GTF2E2: variants seen among roughly 807,000 people sequenced by gnomAD.
The protein encoded by GTF2E2 is transcription initiation factor IIE subunit beta.
Under a neutral mutation model 40.5 loss-of-function variants are expected in GTF2E2, and 21 were observed. The ratio of observed to expected loss-of-function variants is 0.52; its 90% CI spans 0.37 to 0.75. GTF2E2 has a LOEUF of 0.75. GTF2E2 is among the 30% of genes least tolerant of loss of function. The pLI is 0.00. For synonymous variants in GTF2E2, 117 were observed against 121.6 expected, an observed-to-expected ratio of 0.96 and a Z score of 0.25; for missense variants, 298 against 338.4, an observed-to-expected ratio of 0.88 and a Z score of 0.94.
chr8:30,617,791 G>C (rs1452074221), intron 3 of GTF2E2, among the ~76,000 whole-genome samples: 1 of 151,692 alleles, frequency 6.6e-6, no homozygotes, highest in Non-Finnish European at 1.5e-5. Context: ...TATCTGTCAG[G>C]AAGGCATCTT....
chr8:30,586,087 C>A (rs1469889932), intron 6 of GTF2E2, among the ~76,000 whole-genome samples: 1 of 152,104 alleles, frequency 6.6e-6, no homozygotes, highest in Non-Finnish European at 1.5e-5. Context: ...AAAACAACAA[C>A]AACAACAAAA....
intron 6 of GTF2E2, among the ~76,000 whole-genome samples, chr8:30,584,049 G>A (rs768090122): frequency 3.3e-5 from 5 of 151,702 alleles, no homozygotes; most frequent in Non-Finnish European, 5.9e-5. Flanking sequence ...CTTGTGATCT[G>A]CCCGCCTCAG....
chr8:30,654,881 T>C (rs746202052), intron 1 of GTF2E2, among the ~76,000 whole-genome samples: 5 of 152,190 alleles, frequency 3.3e-5, no homozygotes, highest in African/African-American at 4.8e-5. Flanking sequence ...TGGCATATTT[T>C]TACAACTGGT....
intron 3 of GTF2E2, among the ~76,000 whole-genome samples, chr8:30,621,894 CT>C (rs1183868284): frequency 3.9e-5 from 6 of 151,942 alleles, no homozygotes; most frequent in African/African-American, 1.5e-4. Flanking sequence ...GTATCCTTGT[CT>C]TTTTCCTGAC....
At chr8:30,623,446 T>C (rs1801173224) in intron 3 of GTF2E2, among the ~76,000 whole-genome samples, 1 of 152,124 alleles carries the variant, frequency 6.6e-6, no homozygotes. Context: ...AGTCTATCAT[T>C]GTTGGACATT....
chr8:30,633,117 G>A (rs35755980), intron 3 of GTF2E2, among the ~76,000 whole-genome samples: 23,618 of 151,844 alleles, frequency 0.16, 1,983 homozygotes, highest in Middle Eastern at 0.23. Context: ...AACTCAAACC[G>A]TAAGTTATTT....
rs1160039008 is a variant in GTF2E2 at position 30,585,777 on chromosome 8, A to T, written c.644-5381T>A. On this transcript the variant is annotated intron_variant, in intron 6 of 7. Transcript: ENST00000355904. ...TAAGGTACATCTTTGCCCTTTAAAA[A>T]AAAAAAAAAAAAAAAAAAAAAAAAA... Among the ~76,000 whole-genome samples, 424 of 62,142 alleles carry T rather than the reference A, an allele frequency of 6.8e-3. 3 individuals are homozygous for T. Among genetic ancestry groups the T allele is most frequent in the Non-Finnish European group, 9.1e-3 (292 of 31,998 alleles). The allele number at this position is 62,142 out of a possible 152,430, so 40.8% of individuals were successfully genotyped here.
intron 6 of GTF2E2, among the ~76,000 whole-genome samples, chr8:30,584,340 T>A (rs1282422952): frequency 1.3e-5 from 2 of 150,594 alleles, no homozygotes; most frequent in African/African-American, 4.9e-5. Context: ...TATAGAATGG[T>A]ATTTAAAAAC....
chr8:30,598,703 A>C (rs2151117700), intron 6 of GTF2E2, among the ~76,000 whole-genome samples: 1 of 152,376 alleles, frequency 6.6e-6, no homozygotes, highest in Non-Finnish European at 1.5e-5. Flanking sequence ...AATACTTAAG[A>C]TGAATACTGG....
At chr8:30,630,620 C>G (rs949559015) in intron 3 of GTF2E2, among the ~76,000 whole-genome samples, 1 of 152,018 alleles carries the variant, frequency 6.6e-6, no homozygotes, top group African/African-American at 2.4e-5. Context: ...CACCTCCCCC[C>G]GCCATGAAAA....
At chr8:30,657,360 C>A (rs1287359138) in intron 1 of GTF2E2, among the ~76,000 whole-genome samples, 1 of 152,158 alleles carries the variant, frequency 6.6e-6, no homozygotes, top group Non-Finnish European at 1.5e-5. Flanking sequence ...ACGATTCTTG[C>A]CACCATTCGA....
intron 2 of GTF2E2, among the ~76,000 whole-genome samples, chr8:30,646,529 CAGAAATGCCACTCCT>C (rs1802082092): frequency 6.6e-6 from 1 of 152,178 alleles, no homozygotes; most frequent in Non-Finnish European, 1.5e-5. Context: ...ACCCCTAAGT[CAGAAATGCCACTCCT>C]GGAAATGTAT....
intron 5 of GTF2E2, among the ~76,000 whole-genome samples, chr8:30,611,024 C>G (rs2151127686): frequency 6.6e-6 from 1 of 152,236 alleles, no homozygotes; most frequent in South Asian, 2.1e-4. Context: ...GAAGAAAATC[C>G]TGTTGCAAGT....
intron 5 of GTF2E2, among the ~76,000 whole-genome samples, chr8:30,608,174 T>C (rs1423291883): frequency 6.6e-6 from 1 of 152,228 alleles, no homozygotes; most frequent in Non-Finnish European, 1.5e-5. Flanking sequence ...CACTCTAGAC[T>C]ATCTGGCAAA....
At chr8:30,621,474 C>T (rs1801099256) in intron 3 of GTF2E2, among the ~76,000 whole-genome samples, 2 of 151,986 alleles carry the variant, frequency 1.3e-5, no homozygotes, top group African/African-American at 2.4e-5. Context: ...CCTCATAGAT[C>T]AGGAATTAAA....
At chr8:30,589,151 G>C (rs1585937234) in intron 6 of GTF2E2, among the ~76,000 whole-genome samples, 1 of 152,290 alleles carries the variant, frequency 6.6e-6, no homozygotes, top group Admixed American at 6.5e-5. Context: ...CAGCTACTCA[G>C]GAGGCTGAGG....
At chr8:30,634,310 T>C (rs1050150513) in intron 3 of GTF2E2, among the ~76,000 whole-genome samples, 1 of 152,030 alleles carries the variant, frequency 6.6e-6, no homozygotes, top group African/African-American at 2.4e-5. Context: ...TAGCCAGGCA[T>C]GGTGGTGCAT....
At chr8:30,617,585 A>G (rs1800958518) in intron 3 of GTF2E2, among the ~76,000 whole-genome samples, 1 of 151,972 alleles carries the variant, frequency 6.6e-6, no homozygotes, top group Non-Finnish European at 1.5e-5. Flanking sequence ...CTACCAAAAA[A>G]TTGCATATAT....
At chr8:30,590,855 T>C (rs1828826517) in intron 6 of GTF2E2, among the ~76,000 whole-genome samples, 1 of 151,860 alleles carries the variant, frequency 6.6e-6, no homozygotes. Flanking sequence ...CATGCCCAGC[T>C]GATTTTTGTA....
Sources: gnomAD v4.1 joint callset for allele counts (sites outside exome capture counted in the v4.1 genomes callset) on GRCh38, gnomAD v4.1.1 for gene constraint, MANE v1.5 for transcripts, NCBI Gene and HGNC (gene_info 2026-07-23, HGNC 2026-07-21) for gene names.